Variants in PDIA4 observed in about 807,000 individuals in gnomAD.
PDIA4 encodes protein disulfide isomerase family A member 4.
In PDIA4, 33 loss-of-function variants were observed where a neutral mutation model predicts 62.1. That is an observed-to-expected ratio of 0.53 (90% confidence interval 0.40 to 0.71). The LOEUF (loss-of-function observed/expected upper bound fraction) is 0.71, where lower values mean the gene tolerates loss of function less well. Ranked by LOEUF, PDIA4 falls within the 30% of genes least tolerant of loss-of-function variation. PDIA4 has a pLI of 0.00. For synonymous variants in PDIA4, 341 were observed against 324.1 expected (o/e 1.05, Z -0.56); for missense variants, 804 against 813.6 (o/e 0.99, Z 0.14).
intron 4 of PDIA4, among the ~76,000 whole-genome samples, 156 bp from the exon 5 acceptor site, chr7:149,012,516 G>A (rs1301337143): frequency 1.3e-5 from 2 of 152,176 alleles, no homozygotes; most frequent in African/African-American, 2.4e-5. Context: ...CTCAGGTGCT[G>A]TTGAGGGCGC....
chr7:149,010,157 C>T (rs560204289), intron 6 of PDIA4, among the ~76,000 whole-genome samples: 1 of 152,084 alleles, frequency 6.6e-6, no homozygotes, highest in Non-Finnish European at 1.5e-5. Flanking sequence ...ATTAACCTTC[C>T]GAGCCACAGG....
intron 2 of PDIA4, 37 bp downstream of exon 2, chr7:149,020,930 G>A (rs776259581): frequency 6.8e-6 from 11 of 1,606,190 alleles, no homozygotes; most frequent in Non-Finnish European, 6.8e-6. Flanking sequence ...GGAGCACAGC[G>A]CTTGTCCACC....
At chr7:149,026,241 TAAGCCCAC>T (rs901253349) in intron 1 of PDIA4, among the ~76,000 whole-genome samples, 2 of 152,080 alleles carry the variant, frequency 1.3e-5, no homozygotes, top group African/African-American at 4.8e-5. Context: ...AGGGTCAAGG[TAAGCCCAC>T]ACCGTGGCTC....
chr7:149,013,505 C>T (rs1356889153), intron 4 of PDIA4, among the ~76,000 whole-genome samples: 3 of 152,034 alleles, frequency 2.0e-5, no homozygotes, highest in African/African-American at 7.2e-5. Flanking sequence ...AGCAAGACCT[C>T]ATCTCTAAAA....
chr7:149,009,196 G>A (rs1823862015), intron 6 of PDIA4, among the ~76,000 whole-genome samples: 1 of 152,204 alleles, frequency 6.6e-6, no homozygotes, highest in Non-Finnish European at 1.5e-5. Context: ...CTCCCCAAGT[G>A]CTGGGATTAC....
rs535926050 is a variant in PDIA4 at position 149,019,123 on chromosome 7, A to G, written c.344T>C (p.Ile115Thr). Residue 115 changes from isoleucine to threonine, a missense_variant, in exon 3 of 10, where the codon ATT becomes ACT. Physicochemically the swap from Ile to Thr is moderately conservative, Grantham distance 89. Transcript: ENST00000652332. ...ANILKDKDPPIPVAKIDATSA... is the reference protein window; with the variant it reads ...ANILKDKDPPTPVAKIDATSA... ...GGTTGCATCGATCTTGGCAACAGGA[A>G]TGGGAGGATCTTTATCCTTTAATAT... The G allele has an allele frequency of 2.5e-6, 4 of 1,613,876 alleles. No individual in the cohort carries two copies. Among genetic ancestry groups the G allele is most frequent in the African/African-American group, 2.7e-5 (2 of 74,992 alleles).
At chr7:149,020,542 G>A (rs1824306916) in intron 2 of PDIA4, among the ~76,000 whole-genome samples, 1 of 152,206 alleles carries the variant, frequency 6.6e-6, no homozygotes, top group African/African-American at 2.4e-5. Context: ...CCACCACACA[G>A]GCCAACAGCC....
At chr7:149,019,533 A>G (rs1824270263) in intron 2 of PDIA4, among the ~76,000 whole-genome samples, 1 of 152,244 alleles carries the variant, frequency 6.6e-6, no homozygotes, top group African/African-American at 2.4e-5. Flanking sequence ...CAGCCTGGGC[A>G]GTATGGCGAA....
rs1220991555 is a variant in PDIA4 at position 149,005,174 on chromosome 7, TGTCAGA to T, written c.1483_1488del (p.Ser495_Asp496del). On this transcript the variant is annotated inframe_deletion, in exon 9 of 10. Coordinates refer to ENST00000652332, the MANE Select transcript of PDIA4 (RefSeq NM_004911.5). ...AAAGCAGTGACAAACTCGCGGAGGG[TGTCAGA>T]GTCAAACTCCTCTGGCTCCATGGCG... 3.1e-6 allele frequency: 5 copies of T among 1,613,722 alleles called. No individual in the cohort carries two copies. Among genetic ancestry groups the T allele is most frequent in the Non-Finnish European group, 4.2e-6 (5 of 1,179,802 alleles).
chr7:149,015,147 C>A, intron 3 of PDIA4, 105 bp from the exon 4 acceptor site: 1 of 1,177,254 alleles, frequency 8.5e-7, no homozygotes, highest in Non-Finnish European at 1.2e-6. Context: ...GTGTCGGGGC[C>A]CACAAGAACA....
chr7:149,006,553 C>G (rs900834762), intron 7 of PDIA4, among the ~76,000 whole-genome samples: 1 of 152,190 alleles, frequency 6.6e-6, no homozygotes, highest in Non-Finnish European at 1.5e-5. Flanking sequence ...GGTGGGTGGG[C>G]CTGTGAGCCC....
intron 9 of PDIA4, among the ~76,000 whole-genome samples, chr7:149,004,934 G>A (rs536476262): frequency 9.2e-5 from 14 of 152,340 alleles, no homozygotes; most frequent in African/African-American, 3.4e-4. Context: ...CTTCTTCTAA[G>A]CTATTCTGGT....
intron 7 of PDIA4, among the ~76,000 whole-genome samples, chr7:149,007,912 A>G (rs1823816681): frequency 6.6e-6 from 1 of 152,244 alleles, no homozygotes; most frequent in Non-Finnish European, 1.5e-5. Flanking sequence ...GGCAAAACCA[A>G]GTGGAGCTCT....
chr7:149,014,412 C>G (rs185113303), intron 4 of PDIA4, among the ~76,000 whole-genome samples: 2 of 152,286 alleles, frequency 1.3e-5, no homozygotes, highest in African/African-American at 4.8e-5. Flanking sequence ...ATCACCAAGA[C>G]AGATGGTACC....
chr7:149,016,200 C>G (rs1424389193), intron 3 of PDIA4, among the ~76,000 whole-genome samples: 2 of 152,198 alleles, frequency 1.3e-5, no homozygotes, highest in Non-Finnish European at 2.9e-5. Context: ...GAGGCTGAGG[C>G]AGGAGAACCC....
intron 2 of PDIA4, among the ~76,000 whole-genome samples, chr7:149,020,508 G>A (rs755511543): frequency 3.3e-5 from 5 of 152,296 alleles, no homozygotes; most frequent in African/African-American, 4.8e-5. Flanking sequence ...TCCCCCCGCA[G>A]GGCCTATGTG....
chr7:149,006,537 G>C (rs1429820013), intron 7 of PDIA4, among the ~76,000 whole-genome samples: 1 of 152,238 alleles, frequency 6.6e-6, no homozygotes, highest in Non-Finnish European at 1.5e-5. Context: ...TGCGCAGCCA[G>C]CAAGTGGTGG....
At chr7:149,027,944 C>A (rs532832838) in intron 1 of PDIA4, 3 of 500,144 alleles carry the variant, frequency 6.0e-6, no homozygotes. Context: ...CTCTCCCTTC[C>A]CACTGCCTGG....
At chr7:149,023,426 C>T (rs1824424672) in intron 1 of PDIA4, among the ~76,000 whole-genome samples, 1 of 152,128 alleles carries the variant, frequency 6.6e-6, no homozygotes, top group African/African-American at 2.4e-5. Flanking sequence ...TAAGACTAAG[C>T]CCAAGTATTA....
Sources: gnomAD v4.1 joint callset for allele counts (sites outside exome capture counted in the v4.1 genomes callset) on GRCh38, gnomAD v4.1.1 for gene constraint, MANE v1.5 for transcripts, NCBI Gene and HGNC (gene_info 2026-07-23, HGNC 2026-07-21) for gene names.